The following SLC2A9 variants were observed in gnomAD, a reference collection of about 807,000 sequenced individuals.
SLC2A9 encodes the protein solute carrier family 2, facilitated glucose transporter member 9.
SLC2A9 carries 39 observed loss-of-function variants against 50.6 expected under a neutral mutation model. That is an observed-to-expected ratio of 0.77 (90% confidence interval 0.60 to 1.01). SLC2A9 has a LOEUF of 1.01. SLC2A9 is among the 50% of genes least tolerant of loss of function. The probability of loss-of-function intolerance (pLI) is 0.00; values close to 1 mark genes in which losing one functional copy is unlikely to be tolerated. For missense variants in SLC2A9, 686 were observed against 677.6 expected (o/e 1.01, Z -0.14); for synonymous variants, 324 against 276.9 (o/e 1.17, Z -1.69).
At chr4:9,863,445 T>C (rs549368908) in intron 10 of SLC2A9, among the ~76,000 whole-genome samples, 7 of 152,170 alleles carry the variant, frequency 4.6e-5, no homozygotes, top group African/African-American at 1.7e-4. Flanking sequence ...AAATCTTTTG[T>C]TGAATGAATT....
intron 10 of SLC2A9, among the ~76,000 whole-genome samples, chr4:9,878,567 C>T (rs1225716460): frequency 6.6e-6 from 1 of 151,934 alleles, no homozygotes; most frequent in Non-Finnish European, 1.5e-5. Context: ...GTGATGCACC[C>T]CCATACCTTC....
At chr4:10,021,944 T>C (rs1419592826), upstream of SLC2A9, among the ~76,000 whole-genome samples, 1 of 151,904 alleles carries the variant, frequency 6.6e-6, no homozygotes, top group Non-Finnish European at 1.5e-5. Context: ...GTTCAAGCAA[T>C]TCTCCTGCCT....
At chr4:10,019,317 T>G (rs1041679578) in intron 1 of SLC2A9, 2 of 564,066 alleles carry the variant, frequency 3.5e-6, no homozygotes, top group Admixed American at 6.2e-5. Context: ...TCCTTCCGGG[T>G]TGCGTGAGGA....
intron 11 of SLC2A9, among the ~76,000 whole-genome samples, chr4:9,827,625 G>A (rs1725351985): frequency 6.6e-6 from 1 of 152,132 alleles, no homozygotes; most frequent in Admixed American, 6.5e-5. Context: ...GAGACTCTTT[G>A]TCCCTCAGTT....
rs147106576 is a variant in SLC2A9, at chr4:10,004,662, T to C, written c.250-7721A>G. Among the ~76,000 whole-genome samples the C allele has an allele frequency of 2.1e-3, 314 of 152,326 alleles. 2 individuals are homozygous for C. Among genetic ancestry groups the C allele is most frequent in the African/African-American group, 7.3e-3 (304 of 41,576 alleles). On this transcript the variant is annotated intron_variant, in intron 2 of 11. Transcript: ENST00000264784. ...TTTTCACTGTGTTAAGCCACTGAGA[T>C]ACAGGGCTTGTTTATTACAGCAGCA...
intron 11 of SLC2A9, 24 bp downstream of exon 11, chr4:9,834,857 C>G (rs758049327): frequency 6.2e-7 from 1 of 1,614,048 alleles, no homozygotes; most frequent in East Asian, 2.2e-5. Flanking sequence ...ACCCCATGGG[C>G]AAAAGACTCC....
At chr4:9,914,585 T>C (rs10516194) in intron 7 of SLC2A9, among the ~76,000 whole-genome samples, 3,547 of 152,288 alleles carry the variant, frequency 0.023, 115 homozygotes, top group Admixed American at 0.09. Flanking sequence ...TGGTCCCTGG[T>C]GGTTGAATCT....
At chr4:9,945,303 C>T (rs757382594) in intron 5 of SLC2A9, among the ~76,000 whole-genome samples, 8 of 152,308 alleles carry the variant, frequency 5.3e-5, no homozygotes, top group Non-Finnish European at 7.4e-5. Flanking sequence ...AGTGACAACA[C>T]GTATTCCTAG....
chr4:9,910,075 A>G (rs62293330), intron 7 of SLC2A9, among the ~76,000 whole-genome samples: 19,755 of 152,292 alleles, frequency 0.13, 1,375 homozygotes, highest in African/African-American at 0.15. Flanking sequence ...GTAAACCTCC[A>G]TAAAGTTATG....
At chr4:10,018,571 G>GATAGATAGATAA (rs1763034759) in intron 2 of SLC2A9, among the ~76,000 whole-genome samples, 1 of 151,092 alleles carries the variant, frequency 6.6e-6, no homozygotes, top group African/African-American at 2.4e-5. Flanking sequence ...TAGATAGATA[G>GATAGATAGATAA]ATAGATAGAT....
At chr4:10,006,515 A>T (rs923131754) in intron 2 of SLC2A9, 3 of 152,230 alleles carry the variant, frequency 2.0e-5, no homozygotes, top group African/African-American at 7.2e-5. Flanking sequence ...AGAAGTCCTT[A>T]AAAAAGTACC....
chr4:9,993,301 T>TGCAATTGAAAGAACAGATGC (rs2109249541), intron 3 of SLC2A9, among the ~76,000 whole-genome samples: 1 of 152,304 alleles, frequency 6.6e-6, no homozygotes, highest in South Asian at 2.1e-4. Context: ...ATAATTTCAG[T>TGCAATTGAAAGAACAGATGC]GCAATTGAAA....
At chr4:9,782,823 C>T (rs758844726) in intron 3 of SLC2A9, 1 of 1,613,430 alleles carries the variant, frequency 6.2e-7, no homozygotes, top group South Asian at 1.1e-5. Flanking sequence ...CTGGAGAGGG[C>T]CGCAGAGCAC....
chr4:10,016,310 C>T (rs1406727766), intron 2 of SLC2A9, among the ~76,000 whole-genome samples: 1 of 152,216 alleles, frequency 6.6e-6, no homozygotes, highest in East Asian at 1.9e-4. Flanking sequence ...TGGCTCCACT[C>T]ATTATGTGAC....
At chr4:9,931,954 CTCTCTCTCTA>C (rs1560329244) in intron 6 of SLC2A9, among the ~76,000 whole-genome samples, 10 of 50,578 alleles carry the variant, frequency 2.0e-4, no homozygotes, top group Non-Finnish European at 2.7e-4. Flanking sequence ...CTCTCTCTCT[CTCTCTCTCTA>C]TATATATATA....
At chr4:9,855,554 A>G (rs977122017) in intron 10 of SLC2A9, among the ~76,000 whole-genome samples, 87 of 152,356 alleles carry the variant, frequency 5.7e-4, no homozygotes, top group Non-Finnish European at 1.1e-3. Flanking sequence ...AGCAATTTAC[A>G]GATTCAATGC....
intron 3 of SLC2A9, among the ~76,000 whole-genome samples, chr4:9,809,963 A>C (rs1722665090): frequency 1.3e-5 from 2 of 152,046 alleles, no homozygotes; most frequent in South Asian, 4.2e-4. Flanking sequence ...TGGGCACCTG[A>C]AGCCCACGAG....
At chr4:9,772,813 A>ATT (rs76377030) in intron 1 of SLC2A9, among the ~76,000 whole-genome samples, 3 of 101,838 alleles carry the variant, frequency 2.9e-5, no homozygotes, top group African/African-American at 1.1e-4. Context: ...ATGCCATTTT[A>ATT]TTTTTTTTTT....
chr4:9,908,809 G>A (rs933869195), intron 7 of SLC2A9, among the ~76,000 whole-genome samples: 1 of 152,112 alleles, frequency 6.6e-6, no homozygotes, highest in African/African-American at 2.4e-5. Flanking sequence ...AAGTGTGGCA[G>A]CGAGATAGAA....
Sources: gnomAD v4.1 joint callset for allele counts (sites outside exome capture counted in the v4.1 genomes callset) on GRCh38, gnomAD v4.1.1 for gene constraint, MANE v1.5 for transcripts, NCBI Gene and HGNC (gene_info 2026-07-23, HGNC 2026-07-21) for gene names.